Variants in MCF2L2 observed in about 807,000 individuals in gnomAD.
MCF2L2 encodes MCF.2 cell line derived transforming sequence-like 2.
A neutral mutation model predicts 150.2 loss-of-function variants in MCF2L2; 102 were observed. The observed-to-expected ratio is 0.68, with a 90% CI of 0.58 to 0.80. The LOEUF is 0.80. MCF2L2 is among the 30% of genes least tolerant of loss of function. The pLI, the probability that MCF2L2 is intolerant of heterozygous loss-of-function variation, is 0.00. For synonymous variants in MCF2L2, 465 were observed against 491.3 expected (o/e 0.95, Z 0.71); for missense variants, 1,256 against 1,372.8 (o/e 0.91, Z 1.34).
At chr3:183,272,419 A>G in intron 15 of MCF2L2, 1 of 1,000,282 alleles carries the variant, frequency 1.0e-6, no homozygotes, top group Non-Finnish European at 1.2e-6. Context: ...GTGATGTCGG[A>G]AACACGCAAA....
intron 15 of MCF2L2, among the ~76,000 whole-genome samples, chr3:183,249,261 C>A (rs1392219639): frequency 1.3e-5 from 2 of 152,112 alleles, no homozygotes; most frequent in Non-Finnish European, 2.9e-5. Flanking sequence ...TGTGTCTGAT[C>A]TGCTGCTGGG....
intron 2 of MCF2L2, among the ~76,000 whole-genome samples, chr3:183,382,492 C>T (rs1319197358): frequency 6.6e-6 from 1 of 152,170 alleles, no homozygotes; most frequent in Admixed American, 6.5e-5. Context: ...TGCACACCCA[C>T]CTACTGTTGA....
At chr3:183,407,711 C>G (rs1715113278) in intron 1 of MCF2L2, among the ~76,000 whole-genome samples, 1 of 152,190 alleles carries the variant, frequency 6.6e-6, no homozygotes. Context: ...TTTTCCTTCT[C>G]ATTTCTGCAG....
chr3:183,182,111 T>C (rs1721545990), intron 27 of MCF2L2, among the ~76,000 whole-genome samples: 1 of 152,090 alleles, frequency 6.6e-6, no homozygotes. Context: ...CTCAACTGTT[T>C]CAGGGTCATC....
At chr3:183,310,258 T>C (rs1729302469) in intron 9 of MCF2L2, among the ~76,000 whole-genome samples, 2 of 152,022 alleles carry the variant, frequency 1.3e-5, no homozygotes, top group South Asian at 2.1e-4. Context: ...TCCCAGCACT[T>C]TGGGAGACCG....
chr3:183,259,799 T>C (rs1376452831), intron 15 of MCF2L2, among the ~76,000 whole-genome samples: 1 of 152,118 alleles, frequency 6.6e-6, no homozygotes, highest in East Asian at 1.9e-4. Flanking sequence ...GGACACAGAC[T>C]GATGAGGTCA....
intron 26 of MCF2L2, 119 bp from the exon 27 acceptor site, chr3:183,193,215 C>A: frequency 3.9e-6 from 3 of 768,760 alleles, no homozygotes; most frequent in East Asian, 5.0e-5. Flanking sequence ...TCTCGAGGAC[C>A]TGCTGCTCCT....
Position 183,318,328 on chromosome 3 carries a change from C to A in MCF2L2, c.604-111G>T, listed in dbSNP as rs1729682137. The A allele has an allele frequency of 6.3e-6, 8 of 1,261,422 alleles. No individual in the cohort carries two copies. The South Asian group carries it at 9.0e-5, about 14-fold the overall frequency. 78.1% of individuals were successfully genotyped at this position (1,261,422 alleles called of 1,614,324 possible). On this transcript the variant is annotated intron_variant, in intron 6 of 29. Transcript: ENST00000328913. The stretch of plus-strand genomic sequence containing the variant: ...ATAAAATTAGTGAATAATCACCTCA[C>A]CTTGGAAATGGTATAGAGGACCTGA...
chr3:183,224,635 C>A, intron 18 of MCF2L2: 1 of 153,440 alleles, frequency 6.5e-6, no homozygotes. Context: ...GTGACACCAA[C>A]CCTGCAAAGA....
intron 3 of MCF2L2, among the ~76,000 whole-genome samples, chr3:183,344,559 C>A (rs759101653): frequency 6.6e-6 from 1 of 152,174 alleles, no homozygotes; most frequent in Non-Finnish European, 1.5e-5. Flanking sequence ...ATGACAGGAT[C>A]AAGTTCACAC....
intron 15 of MCF2L2, among the ~76,000 whole-genome samples, chr3:183,263,334 A>G (rs1401482369): frequency 1.3e-5 from 2 of 152,114 alleles, no homozygotes; most frequent in Non-Finnish European, 2.9e-5. Context: ...CCAACCTCAA[A>G]CCAGCCCCCA....
At chr3:183,297,451 G>T in intron 11 of MCF2L2, 1 of 337,732 alleles carries the variant, frequency 3.0e-6, no homozygotes, top group East Asian at 6.4e-5. Flanking sequence ...GGAGGAGACA[G>T]CTAAATATAT....
intron 3 of MCF2L2, among the ~76,000 whole-genome samples, chr3:183,350,458 G>A (rs554632516): frequency 4.6e-5 from 7 of 152,250 alleles, no homozygotes; most frequent in African/African-American, 1.7e-4. Flanking sequence ...GCCCTATGAT[G>A]TGTCAGACAC....
At chr3:183,201,586 T>C (rs1228671578) in intron 25 of MCF2L2, among the ~76,000 whole-genome samples, 1 of 152,222 alleles carries the variant, frequency 6.6e-6, no homozygotes, top group Non-Finnish European at 1.5e-5. Flanking sequence ...ACAATTTGAC[T>C]TTCTCTTTTC....
At chr3:183,258,987 C>A (rs74802279) in intron 15 of MCF2L2, among the ~76,000 whole-genome samples, 4,126 of 152,128 alleles carry the variant, frequency 0.027, 187 homozygotes, top group African/African-American at 0.095. Context: ...TGCATAATGA[C>A]AAGAAAAAAA....
Position 183,270,151 on chromosome 3 carries a change from G to T in MCF2L2, c.1862+6721C>A, listed in dbSNP as rs772096430. The stretch of plus-strand genomic sequence containing the variant: ...ACGTGGGGCAATGAAAATTATGTTC[G>T]GTCTCAGCTGAATGCCAACATCAAA... On this transcript the variant is annotated intron_variant, in intron 15 of 29. Coordinates refer to ENST00000328913, the MANE Select transcript of MCF2L2 (RefSeq NM_015078.4). The surrounding 1 kb of genome is among the most constrained non-coding windows in gnomAD (Gnocchi z 4.5). The T allele has an allele frequency of 6.2e-7, 1 of 1,614,058 alleles. No individual in the cohort carries two copies. Among genetic ancestry groups the T allele is most frequent in the South Asian group, 1.1e-5 (1 of 91,062 alleles).
rs769805950 is a variant in MCF2L2 at position 183,261,962 on chromosome 3, A to T, written c.1862+14910T>A. ...TTAGGAGGTTTTCATGTCCAGCATTAAAAAAAAAAAAAAAAGAATAGAATT... is the reference window on the plus strand; with the variant it reads ...TTAGGAGGTTTTCATGTCCAGCATTTAAAAAAAAAAAAAAAGAATAGAATT... On this transcript the variant is annotated intron_variant, in intron 15 of 29. Transcript: ENST00000328913. 7.4e-3 allele frequency among the ~76,000 whole-genome samples: 719 copies of T among 96,684 alleles called. 3 individuals are homozygous for T. The highest frequency in any genetic ancestry group is 0.011 in the Non-Finnish European group (542 of 49,230). 63.4% of individuals were successfully genotyped at this position (96,684 alleles called of 152,430 possible).
intron 15 of MCF2L2, among the ~76,000 whole-genome samples, chr3:183,241,898 G>C (rs560555071): frequency 6.6e-6 from 1 of 152,310 alleles, no homozygotes; most frequent in Non-Finnish European, 1.5e-5. Flanking sequence ...GGGCAATAAA[G>C]TCCAGGCTGA....
chr3:183,364,391 G>A (rs969677415), intron 3 of MCF2L2, among the ~76,000 whole-genome samples: 2 of 151,882 alleles, frequency 1.3e-5, no homozygotes, highest in Admixed American at 1.3e-4. Flanking sequence ...ATGGTGGTGG[G>A]TGCCTGTAGT....
Sources: gnomAD v4.1 joint callset for allele counts (sites outside exome capture counted in the v4.1 genomes callset) on GRCh38, gnomAD v4.1.1 for gene constraint, Gnocchi (gnomAD v3.1) non-coding constraint, MANE v1.5 for transcripts, NCBI Gene and HGNC (gene_info 2026-07-23, HGNC 2026-07-21) for gene names.